The following WASL variants were observed in gnomAD, a reference collection of about 807,000 sequenced individuals.
WASL encodes the protein WASP like actin nucleation promoting factor.
In WASL, 20 loss-of-function variants were observed where a neutral mutation model predicts 55.5. The ratio of observed to expected loss-of-function variants is 0.36; its 90% confidence interval spans 0.25 to 0.52. WASL has a LOEUF of 0.52. Among genes scored for constraint, WASL ranks in the 20% least tolerant of loss-of-function variants. The pLI, the probability that WASL is intolerant of heterozygous loss-of-function variation, is 0.92. For synonymous variants in WASL, 249 were observed against 217.6 expected, an observed-to-expected ratio of 1.14 and a Z score of -1.27; for missense variants, 504 against 622.5, an observed-to-expected ratio of 0.81 and a Z score of 2.03.
Position 123,696,611 on chromosome 7 carries a change from G to A in WASL, c.597C>T (p.Thr199=). Residue 199 remains threonine (T), a synonymous_variant, in exon 6 of 11, where the codon ACC becomes ACT. Transcript: ENST00000223023. ...TGCTTGGTGTTCCTATATCTGCCTT[G>A]GTTAATCTCTTCTTTTTAGCTTTTC... ...KKGKAKKKRL[T]KADIGTPSNF... 1.3e-6 allele frequency: 2 copies of A among 1,598,666 alleles called. No homozygotes were observed. Among genetic ancestry groups the A allele is most frequent in the East Asian group, 2.3e-5 (1 of 43,784 alleles).
At chr7:123,704,588 C>A in intron 5 of WASL, 46 bp downstream of exon 5, 2 of 1,448,260 alleles carry the variant, frequency 1.4e-6, no homozygotes, top group South Asian at 2.5e-5. Context: ...AAGGATTAAA[C>A]TGTCATCTAA....
In WASL at chr7:123,712,802, T is replaced by C. The variant is rs192306657; in HGVS notation, c.118-3579A>G. 1.3e-4 allele frequency among the ~76,000 whole-genome samples: 20 copies of C among 152,296 alleles called. No homozygotes were observed. In the East Asian group the frequency reaches 3.1e-3, roughly 24 times the overall value. On this transcript the variant is annotated intron_variant, in intron 1 of 10. Coordinates refer to ENST00000223023, the MANE Select transcript of WASL (RefSeq NM_003941.4). The stretch of plus-strand genomic sequence containing the variant: ...CCCACTTCCTCCTATTCCCTCTATA[T>C]GTGTACCAACTTTCTTAAAAGTTCT...
chr7:123,737,831 TAGAA>T (rs1397727160), intron 1 of WASL, among the ~76,000 whole-genome samples: 1 of 152,132 alleles, frequency 6.6e-6, no homozygotes, highest in Non-Finnish European at 1.5e-5. Flanking sequence ...GATATGATAA[TAGAA>T]AGATTATTCC....
At chr7:123,726,971 T>A (rs1191532013) in intron 1 of WASL, among the ~76,000 whole-genome samples, 1 of 152,052 alleles carries the variant, frequency 6.6e-6, no homozygotes, top group African/African-American at 2.4e-5. Flanking sequence ...ATAACATCCC[T>A]ACAAATCATT....
intron 9 of WASL, 65 bp downstream of exon 9, chr7:123,692,282 A>G (rs757439720): frequency 7.8e-6 from 12 of 1,534,556 alleles, no homozygotes; most frequent in Non-Finnish European, 8.7e-6. Flanking sequence ...ATATCTTTCA[A>G]TAAATTACTT....
Position 123,706,426 on chromosome 7 carries a change from T to C in WASL, c.340-53A>G, listed in dbSNP as rs943056841. On this transcript the variant is annotated intron_variant, in intron 3 of 10. Coordinates refer to ENST00000223023, the MANE Select transcript of WASL (RefSeq NM_003941.4). ...ACAACAGAATGTATGAATTTAGCTT[T>C]ATATCATAAAAACAATGAGGAAAAG... The C allele has an allele frequency of 6.6e-6, 10 of 1,504,904 alleles. No individual in the cohort carries two copies. In the African/African-American group the frequency reaches 9.7e-5, roughly 15 times the overall value. 93.2% of individuals were successfully genotyped at this position (1,504,904 alleles called of 1,614,324 possible). A position where few individuals can be genotyped will look rare whatever the true frequency, so the allele number is the denominator to read the frequency against.
chr7:123,734,365 A>T (rs894421523), intron 1 of WASL, among the ~76,000 whole-genome samples: 1 of 152,184 alleles, frequency 6.6e-6, no homozygotes, highest in African/African-American at 2.4e-5. Flanking sequence ...ACAAATGGCA[A>T]ATAGTCATAT....
rs34669724 is a variant in WASL, at chr7:123,737,596, C to CAAAAAA, written c.117+11016_117+11021dup. Among the ~76,000 whole-genome samples, 110 of 72,444 alleles carry CAAAAAA rather than the reference C, an allele frequency of 1.5e-3. 1 individual carries two copies. The highest frequency in any genetic ancestry group is 2.9e-3 in the East Asian group (7 of 2,456). The allele number at this position is 72,444 out of a possible 152,430, so 47.5% of individuals were successfully genotyped here. A position where few individuals can be genotyped will look rare whatever the true frequency, so the allele number is the denominator to read the frequency against. Reference sequence around the variant, plus strand: ...GGTGACAGAGCAAGACTCCGTCTCCCAAAAAAAAAAAAAAAAAAAGCATTT... The same window carrying CAAAAAA: ...GGTGACAGAGCAAGACTCCGTCTCCCAAAAAAAAAAAAAAAAAAAAAAAAAGCATTT... On this transcript the variant is annotated intron_variant, in intron 1 of 10. Coordinates refer to ENST00000223023, the MANE Select transcript of WASL (RefSeq NM_003941.4).
intron 2 of WASL, among the ~76,000 whole-genome samples, chr7:123,707,366 T>G (rs1803687368): frequency 6.6e-6 from 1 of 152,200 alleles, no homozygotes; most frequent in South Asian, 2.1e-4. Flanking sequence ...ACCTTTCTAA[T>G]TATATACTAG....
At chr7:123,740,693 T>C (rs1161104382) in intron 1 of WASL, among the ~76,000 whole-genome samples, 2 of 152,090 alleles carry the variant, frequency 1.3e-5, no homozygotes, top group African/African-American at 4.8e-5. Flanking sequence ...ATTCCTGGGC[T>C]CAAGTGAACC....
intron 10 of WASL, among the ~76,000 whole-genome samples, chr7:123,686,761 T>C (rs1007902347): frequency 1.6e-4 from 25 of 152,288 alleles, no homozygotes; most frequent in African/African-American, 5.8e-4. Flanking sequence ...TTAGATCTCA[T>C]TCCTATGACA....
Position 123,703,494 on chromosome 7 carries a change from G to T in WASL, c.460+1140C>A, listed in dbSNP as rs73718459. Among the ~76,000 whole-genome samples the T allele has an allele frequency of 7.3e-3, 1,113 of 152,002 alleles. 19 individuals are homozygous for T. Among genetic ancestry groups the T allele is most frequent in the African/African-American group, 0.026 (1,065 of 41,462 alleles). On this transcript the variant is annotated intron_variant, in intron 5 of 10. Coordinates refer to ENST00000223023, the MANE Select transcript of WASL (RefSeq NM_003941.4). ...CTAAGCTTTGATTACTTCAATCCCCGTAACAGCCCTAAAAAGTATTAATAT... is the reference window on the plus strand; with the variant it reads ...CTAAGCTTTGATTACTTCAATCCCCTTAACAGCCCTAAAAAGTATTAATAT...
At chr7:123,713,206 G>A (rs1218636775) in intron 1 of WASL, among the ~76,000 whole-genome samples, 1 of 152,064 alleles carries the variant, frequency 6.6e-6, no homozygotes, top group East Asian at 1.9e-4. Flanking sequence ...GGAGTGCAAT[G>A]GTGAGTGAGA....
intron 1 of WASL, among the ~76,000 whole-genome samples, chr7:123,725,508 T>TAA (rs35358821): frequency 2.2e-4 from 34 of 151,134 alleles, no homozygotes; most frequent in Admixed American, 8.6e-4. Context: ...AGGTTATATT[T>TAA]AAAAAAAAAC....
intron 1 of WASL, chr7:123,720,344 C>CATAAA: frequency 2.9e-6 from 1 of 348,528 alleles, no homozygotes. Flanking sequence ...CATACAGCTG[C>CATAAA]AAAAAAAAAA....
At chr7:123,724,406 C>T (rs374680543) in intron 1 of WASL, among the ~76,000 whole-genome samples, 11 of 152,304 alleles carry the variant, frequency 7.2e-5, no homozygotes, top group African/African-American at 2.4e-4. Context: ...AAATGTCACA[C>T]TTGATCAAGT....
At chr7:123,697,762 T>C (rs779694136) in intron 5 of WASL, among the ~76,000 whole-genome samples, 9 of 152,226 alleles carry the variant, frequency 5.9e-5, no homozygotes, top group African/African-American at 9.6e-5. Flanking sequence ...ACTTGGGAAG[T>C]TGGATTTCAA....
At chr7:123,739,576 T>G (rs1402158844) in intron 1 of WASL, among the ~76,000 whole-genome samples, 1 of 152,220 alleles carries the variant, frequency 6.6e-6, no homozygotes, top group African/African-American at 2.4e-5. Context: ...GGCTTTGTGT[T>G]ACATCAGGTT....
intron 5 of WASL, among the ~76,000 whole-genome samples, chr7:123,702,844 C>A (rs1803613943): frequency 1.3e-5 from 2 of 152,174 alleles, no homozygotes; most frequent in African/African-American, 4.8e-5. Context: ...GATCCTGGAA[C>A]TGATCCAACA....
Sources: gnomAD v4.1 joint callset for allele counts (sites outside exome capture counted in the v4.1 genomes callset) on GRCh38, gnomAD v4.1.1 for gene constraint, MANE v1.5 for transcripts, NCBI Gene and HGNC (gene_info 2026-07-23, HGNC 2026-07-21) for gene names.